The following EPB41L3 variants were observed in gnomAD, a reference collection of about 807,000 sequenced individuals.
EPB41L3 encodes the protein erythrocyte membrane protein band 4.1 like 3.
Under a neutral mutation model 127.1 loss-of-function variants are expected in EPB41L3, and 57 were observed. That is an observed-to-expected ratio of 0.45 (90% confidence interval 0.36 to 0.56). EPB41L3 has a LOEUF of 0.56. Ranked by LOEUF, EPB41L3 falls within the 20% of genes least tolerant of loss-of-function variation. EPB41L3 has a pLI of 0.00. For missense variants in EPB41L3, 1,273 were observed against 1,372.2 expected, an observed-to-expected ratio of 0.93 and a Z score of 1.14; for synonymous variants, 572 against 549.5, an observed-to-expected ratio of 1.04 and a Z score of -0.57.
chr18:5,604,723 G>A (rs1219739625), intron 3 of EPB41L3, among the ~76,000 whole-genome samples: 4 of 152,028 alleles, frequency 2.6e-5, no homozygotes, highest in Non-Finnish European at 4.4e-5. Flanking sequence ...CAAAGTACTG[G>A]GATTATAGGT....
intron 1 of EPB41L3, among the ~76,000 whole-genome samples, chr18:5,522,164 T>A (rs1387617686): frequency 1.3e-5 from 2 of 152,152 alleles, no homozygotes; most frequent in African/African-American, 2.4e-5. Flanking sequence ...AGTGCAGTGA[T>A]GCAATCTCGG....
At chr18:5,617,726 G>T (rs2094814848) in intron 1 of EPB41L3, among the ~76,000 whole-genome samples, 1 of 152,068 alleles carries the variant, frequency 6.6e-6, no homozygotes, top group African/African-American at 2.4e-5. Context: ...TCTATTACTT[G>T]ATCAGAAGAA....
In EPB41L3 at chr18:5,535,766, C is replaced by G. The variant is rs190147445; in HGVS notation, c.-12+8147G>C. The stretch of plus-strand genomic sequence containing the variant: ...AAGTAAATCCAAGATCAGTCAAAAT[C>G]ATGGGATTGTGAATAACATAACAGA... On this transcript the variant is annotated intron_variant, in intron 1 of 22. Coordinates refer to ENST00000341928, the MANE Select transcript of EPB41L3 (RefSeq NM_012307.5). 9.9e-5 allele frequency among the ~76,000 whole-genome samples: 15 copies of G among 152,264 alleles called. No homozygotes were observed. In the East Asian group the frequency reaches 2.9e-3, roughly 29 times the overall value.
chr18:5,516,050 A>T (rs1175063053), intron 1 of EPB41L3, among the ~76,000 whole-genome samples: 1 of 152,214 alleles, frequency 6.6e-6, no homozygotes, highest in Non-Finnish European at 1.5e-5. Flanking sequence ...AACAGCTGAT[A>T]GCCGATGTGG....
chr18:5,611,171 G>T (rs916824568), intron 3 of EPB41L3, among the ~76,000 whole-genome samples: 1 of 152,050 alleles, frequency 6.6e-6, no homozygotes, highest in African/African-American at 2.4e-5. Flanking sequence ...CTGAAAGCAG[G>T]GTCTCAAAGA....
chr18:5,539,729 T>C (rs972342369), intron 1 of EPB41L3: 2 of 152,250 alleles, frequency 1.3e-5, no homozygotes, highest in Admixed American at 1.3e-4. Flanking sequence ...ACATGAAATA[T>C]ACTTTATTGC....
intron 6 of EPB41L3, among the ~76,000 whole-genome samples, chr18:5,435,531 T>C (rs1188400175): frequency 6.6e-6 from 1 of 152,212 alleles, no homozygotes; most frequent in Non-Finnish European, 1.5e-5. Context: ...AGTCACATGC[T>C]CTACAGGTTT....
intron 2 of EPB41L3, among the ~76,000 whole-genome samples, chr18:5,484,052 A>G (rs1038733461): frequency 6.0e-5 from 8 of 133,328 alleles, no homozygotes; most frequent in Non-Finnish European, 9.5e-5. Context: ...AGAACAGACC[A>G]TGTCTTAGGC....
chr18:5,584,981 T>C (rs1353035875), intron 3 of EPB41L3, among the ~76,000 whole-genome samples: 1 of 152,228 alleles, frequency 6.6e-6, no homozygotes, highest in African/African-American at 2.4e-5. Flanking sequence ...GGTTGCCTTG[T>C]GTAGAGGAGG....
intron 16 of EPB41L3, chr18:5,399,116 T>C (rs186373983): frequency 1.0e-5 from 4 of 399,034 alleles, no homozygotes; most frequent in African/African-American, 8.2e-5. Flanking sequence ...CCTCTTTAGC[T>C]TTCCCAGTCA....
In EPB41L3 at chr18:5,562,788, G is replaced by A. The variant is rs1035217869; in HGVS notation, c.-306+49552C>T. 7.9e-5 allele frequency among the ~76,000 whole-genome samples: 12 copies of A among 152,192 alleles called. No homozygotes were observed. The South Asian group carries it at 2.3e-3, about 29-fold the overall frequency. ...GGATGTCTCATCCCCCCACACTGCTGCAGATCCCATCAGAGCCCTCTGATA... is the reference window on the plus strand; with the variant it reads ...GGATGTCTCATCCCCCCACACTGCTACAGATCCCATCAGAGCCCTCTGATA... On this transcript the variant is annotated intron_variant, in intron 3 of 21. Transcript: ENST00000545076.
chr18:5,399,175 A>G (rs1208436952), intron 16 of EPB41L3: 3 of 398,870 alleles, frequency 7.5e-6, no homozygotes, highest in Admixed American at 4.4e-5. Flanking sequence ...CCTAGAGTGT[A>G]TATTTTCTGT....
intron 2 of EPB41L3, chr18:5,480,792 G>T (rs1379804732): frequency 6.6e-6 from 1 of 152,080 alleles, no homozygotes; most frequent in Non-Finnish European, 1.5e-5. Context: ...CTCTTGTTTT[G>T]TATCTGACTG....
At chr18:5,593,354 G>A (rs188375700) in intron 3 of EPB41L3, among the ~76,000 whole-genome samples, 172 of 152,192 alleles carry the variant, frequency 1.1e-3, no homozygotes, top group African/African-American at 4.0e-3. Flanking sequence ...CTGGGCGTCC[G>A]AGGGAGACAT....
At chr18:5,624,093 C>G (rs531958274) in intron 1 of EPB41L3, among the ~76,000 whole-genome samples, 1 of 152,118 alleles carries the variant, frequency 6.6e-6, no homozygotes, top group Non-Finnish European at 1.5e-5. Context: ...GCCTTCAGCT[C>G]CTGGGTTCAA....
intron 3 of EPB41L3, among the ~76,000 whole-genome samples, chr18:5,449,860 C>T (rs2082048187): frequency 6.6e-6 from 1 of 152,128 alleles, no homozygotes; most frequent in African/African-American, 2.4e-5. Context: ...TACATATATA[C>T]TTATGATAAA....
At chr18:5,585,936 G>T (rs1318238586) in intron 3 of EPB41L3, among the ~76,000 whole-genome samples, 1 of 152,150 alleles carries the variant, frequency 6.6e-6, no homozygotes, top group Non-Finnish European at 1.5e-5. Context: ...CTTGTTAAAT[G>T]ACCTTCTACG....
At chr18:5,539,544 C>T (rs1259278747) in intron 1 of EPB41L3, 1 of 152,118 alleles carries the variant, frequency 6.6e-6, no homozygotes, top group Non-Finnish European at 1.5e-5. Flanking sequence ...CTTCTTTATG[C>T]TTTGAAACTG....
At chr18:5,527,263 T>C (rs894371173) in intron 1 of EPB41L3, among the ~76,000 whole-genome samples, 5 of 152,196 alleles carry the variant, frequency 3.3e-5, no homozygotes, top group African/African-American at 4.8e-5. Flanking sequence ...CACACACTGA[T>C]TCTCTCGTAT....
Sources: allele counts gnomAD v4.1 joint callset (sites outside exome capture counted in the v4.1 genomes callset), GRCh38; gene constraint gnomAD v4.1.1; transcripts MANE v1.5; gene names NCBI Gene and HGNC (gene_info 2026-07-23, HGNC 2026-07-21).